The following RYR3 variants were observed in gnomAD, a reference collection of about 807,000 sequenced individuals.
The protein encoded by RYR3 is ryanodine receptor 3.
In RYR3, 207 loss-of-function variants were observed where a neutral mutation model predicts 584.3. The ratio of observed to expected loss-of-function variants is 0.35; its 90% CI spans 0.32 to 0.40. RYR3 has a LOEUF of 0.40. Ranked by LOEUF, RYR3 falls within the 10% of genes least tolerant of loss-of-function variation. The probability of loss-of-function intolerance (pLI) is 1.00; values close to 1 mark genes in which losing one functional copy is unlikely to be tolerated. For missense variants in RYR3, 5,616 were observed against 6,089.2 expected, an observed-to-expected ratio of 0.92 and a Z score of 2.59; for synonymous variants, 2,416 against 2,248.5, an observed-to-expected ratio of 1.07 and a Z score of -2.11.
chr15:33,311,056 G>C lies in RYR3; in HGVS notation c.11G>C (p.Gly4Ala), dbSNP rs375998723. The change falls in exon 1 of 104, where the codon GGG (glycine) becomes GCG (alanine). Residue 4 changes from glycine (G) to alanine (A), a missense_variant. Physicochemically the swap from Gly to Ala is moderately conservative, Grantham distance 60 (BLOSUM62 0). Around this residue, in one of 9 missense-constraint regions of RYR3, gnomAD observed 1,284 missense variants for 1,344.6 expected, o/e 0.95. Transcript: ENST00000634891. This position sits in a 1 kb window ranked among gnomAD's most constrained non-coding sequence, Gnocchi z 4.4. ...GACGCCTCGGGAGCCATGGCCGAAG[G>C]GGGAGAAGGAGGCGAGGACGAGATC... Reference protein sequence around the residue: MAEGGEGGEDEIQF... With the variant: MAEAGEGGEDEIQF... The C allele has an allele frequency of 5.8e-5, 92 of 1,582,890 alleles. No homozygotes were observed. In the Admixed American group the frequency reaches 7.6e-4, roughly 13 times the overall value.
chr15:33,810,888 A>G, intron 71 of RYR3, 90 bp from the exon 72 acceptor site: 1 of 1,199,984 alleles, frequency 8.3e-7, no homozygotes, highest in Admixed American at 2.0e-5. Context: ...TCCCAGTGAA[A>G]CTGTGCGTTG....
At chr15:33,789,627 TATA>T (rs2074976612) in intron 67 of RYR3, among the ~76,000 whole-genome samples, 8 of 9,248 alleles carry the variant, frequency 8.7e-4, no homozygotes, top group African/African-American at 1.9e-3. Flanking sequence ...TTTTATTTTA[TATA>T]TATATATATA....
At chr15:33,527,214 G>A (rs1049697998) in intron 3 of RYR3, among the ~76,000 whole-genome samples, 2 of 152,082 alleles carry the variant, frequency 1.3e-5, no homozygotes, top group African/African-American at 4.8e-5. Context: ...GGTAAGGGAG[G>A]TTTTTAAATT....
intron 3 of RYR3, among the ~76,000 whole-genome samples, chr15:33,522,869 G>C (rs2054108279): frequency 6.6e-6 from 1 of 152,026 alleles, no homozygotes; most frequent in African/African-American, 2.4e-5. Flanking sequence ...CTAATTCCCA[G>C]TCTACTACCA....
At position 33,772,104 on chromosome 15, in the gene RYR3, C is replaced by T; in HGVS notation, c.9001C>T (p.Leu3001=). Residue 3001 remains leucine (L), a synonymous_variant, in exon 63 of 104, where the codon CTG becomes TTG. Transcript: ENST00000634891. Reference sequence around the variant, plus strand: ...CACTACAGTGGCTCTGCTCCCCATCCTGACGTCCATCTTTGAGCACGTCAC... The same window carrying T: ...CACTACAGTGGCTCTGCTCCCCATCTTGACGTCCATCTTTGAGCACGTCAC... ...NYTTVALLPI[L]TSIFEHVTQH... The T allele has an allele frequency of 6.2e-7, 1 of 1,613,786 alleles. No homozygotes were observed. The highest frequency in any genetic ancestry group is 8.5e-7 in the Non-Finnish European group (1 of 1,179,798).
intron 86 of RYR3, among the ~76,000 whole-genome samples, chr15:33,833,356 C>G (rs567545655): frequency 6.6e-6 from 1 of 151,994 alleles, no homozygotes; most frequent in Non-Finnish European, 1.5e-5. Context: ...ATATTAAATT[C>G]TCATCAAATA....
chr15:33,863,919 A>G (rs1889464097), intron 102 of RYR3, among the ~76,000 whole-genome samples: 1 of 152,226 alleles, frequency 6.6e-6, no homozygotes, highest in South Asian at 2.1e-4. Context: ...AGGGATGGCA[A>G]AAAGCATCTC....
chr15:33,724,273 T>TAGCAAATGCCAGA, intron 45 of RYR3, 97 bp downstream of exon 45: 1 of 684,094 alleles, frequency 1.5e-6, no homozygotes, highest in Non-Finnish European at 2.5e-6. Flanking sequence ...CTCTGGCATT[T>TAGCAAATGCCAGA]GCTAACATGC....
intron 60 of RYR3, among the ~76,000 whole-genome samples, chr15:33,767,094 T>G (rs948908218): frequency 6.6e-6 from 1 of 152,256 alleles, no homozygotes; most frequent in Non-Finnish European, 1.5e-5. Context: ...ACACAGAACA[T>G]GTGTCCAACT....
intron 2 of RYR3, among the ~76,000 whole-genome samples, chr15:33,483,924 C>A (rs918480620): frequency 4.6e-5 from 7 of 152,146 alleles, no homozygotes; most frequent in East Asian, 1.9e-4. Flanking sequence ...AGGAGAGTAC[C>A]CTTAGAAGAA....
At position 33,629,932 on chromosome 15, in the gene RYR3, C is replaced by G; in HGVS notation, c.2680-8C>G. 1 of 1,512,948 alleles carries G rather than the reference C, an allele frequency of 6.6e-7. No homozygotes were observed. The highest frequency in any genetic ancestry group is 2.3e-5 in the East Asian group (1 of 43,998). The allele number at this position is 1,512,948 out of a possible 1,614,324, so 93.7% of individuals were successfully genotyped here. A position where few individuals can be genotyped will look rare whatever the true frequency, so the allele number is the denominator to read the frequency against. On this transcript the variant is annotated splice_region_variant and splice_polypyrimidine_tract_variant and intron_variant, in intron 21 of 103. Coordinates refer to ENST00000634891, the MANE Select transcript of RYR3 (RefSeq NM_001036.6). ...TTAAATCACATTCTTTCTTATGTCA[C>G]CACCTAGATACGAGATGACAATAAA...
chr15:33,747,410 G>T (rs995562621), intron 53 of RYR3, among the ~76,000 whole-genome samples: 33 of 80,478 alleles, frequency 4.1e-4, no homozygotes, highest in Admixed American at 1.1e-3. Flanking sequence ...GAGTTTCACT[G>T]TTGTCACCCT....
chr15:33,650,777 G>A (rs2062420524), intron 31 of RYR3, among the ~76,000 whole-genome samples: 1 of 152,102 alleles, frequency 6.6e-6, no homozygotes, highest in African/African-American at 2.4e-5. Flanking sequence ...ATGTGTGGTT[G>A]AAAAAAATTC....
At chr15:33,418,479 T>C (rs2043989391) in intron 1 of RYR3, among the ~76,000 whole-genome samples, 1 of 151,836 alleles carries the variant, frequency 6.6e-6, no homozygotes, top group African/African-American at 2.4e-5. Flanking sequence ...CAAGGGAAGA[T>C]GGTGAGAAAT....
intron 2 of RYR3, among the ~76,000 whole-genome samples, chr15:33,474,646 C>G (rs1276407986): frequency 6.6e-6 from 1 of 152,184 alleles, no homozygotes; most frequent in Non-Finnish European, 1.5e-5. Context: ...GACATAAAAC[C>G]CACCATCACA....
At chr15:33,515,788 C>A (rs2053464333) in intron 3 of RYR3, among the ~76,000 whole-genome samples, 1 of 152,220 alleles carries the variant, frequency 6.6e-6, no homozygotes, top group Non-Finnish European at 1.5e-5. Context: ...TTCTGCCAGT[C>A]TCTTTCCCCA....
At chr15:33,697,794 C>G in intron 39 of RYR3, 88 bp from the exon 40 acceptor site, 1 of 782,774 alleles carries the variant, frequency 1.3e-6, no homozygotes, top group Non-Finnish European at 2.3e-6. Flanking sequence ...TTATTTTGCC[C>G]TCTCGTGTGT....
At chr15:33,782,351 T>C (rs1450507532) in intron 65 of RYR3, among the ~76,000 whole-genome samples, 8 of 152,158 alleles carry the variant, frequency 5.3e-5, no homozygotes, top group Admixed American at 5.2e-4. Flanking sequence ...TGATAAGACA[T>C]ATTCATAAAT....
At position 33,838,032 on chromosome 15, in the gene RYR3, G is replaced by T; in HGVS notation, c.12052G>T (p.Ala4018Ser). The change falls in exon 89 of 104, where the codon GCA becomes TCA. Residue 4018 changes from alanine to serine, a missense_variant. Transcript: ENST00000634891. ...DSRLKCLLDP[A>S]ESVLNYFEPY... is the part of the protein sequence containing the mutation. ...CCGCCTGAAGTGTCTGTTGGACCCA[G>T]CAGAAAGTGTGCTAAATTACTTCGA... 6.2e-7 allele frequency: 1 copy of T among 1,614,010 alleles called. No individual in the cohort carries two copies. The highest frequency in any genetic ancestry group is 8.5e-7 in the Non-Finnish European group (1 of 1,179,890).
Sources: gnomAD v4.1 joint callset for allele counts (sites outside exome capture counted in the v4.1 genomes callset) on GRCh38, gnomAD v4.1.1 for gene constraint, gnomAD v4.1.1 regional missense constraint, Gnocchi (gnomAD v3.1) non-coding constraint, MANE v1.5 for transcripts, NCBI Gene and HGNC (gene_info 2026-07-23, HGNC 2026-07-21) for gene names.